LRRN3: variants seen among roughly 807,000 people sequenced by gnomAD.
LRRN3 encodes the protein leucine-rich repeat neuronal protein 3.
In LRRN3, 15 loss-of-function variants were observed where a neutral mutation model predicts 40.1. The observed-to-expected ratio is 0.37, with a 90% CI of 0.25 to 0.58. The LOEUF (loss-of-function observed/expected upper bound fraction) is 0.58. LRRN3 is among the 20% of genes least tolerant of loss of function. The probability of loss-of-function intolerance (pLI) is 0.72; values close to 1 mark genes in which losing one functional copy is unlikely to be tolerated. For synonymous variants in LRRN3, 308 were observed against 297.2 expected (o/e 1.04, Z -0.37); for missense variants, 746 against 837.7 (o/e 0.89, Z 1.35).
At chr7:111,100,499 A>G (rs2129579924) in intron 2 of LRRN3, among the ~76,000 whole-genome samples, 1 of 149,084 alleles carries the variant, frequency 6.7e-6, no homozygotes, top group African/African-American at 2.4e-5. Context: ...TAAGTGCATC[A>G]AACTTTACAG....
In LRRN3 at chr7:111,123,742, T is replaced by C. The variant is rs768339168; in HGVS notation, c.970T>C (p.Tyr324His). 1 of 1,613,982 alleles carries C rather than the reference T, an allele frequency of 6.2e-7. No individual in the cohort carries two copies. The highest frequency in any genetic ancestry group is 1.1e-5 in the South Asian group (1 of 91,080). Residue 324 changes from tyrosine (Y) to histidine (H), a missense_variant, in exon 3 of 3, where the codon TAC becomes CAC. Coordinates refer to ENST00000308478, the MANE Select transcript of LRRN3 (RefSeq NM_001099658.2). This position sits in a 1 kb window ranked among gnomAD's most constrained non-coding sequence, Gnocchi z 6.4. ...AGCTACTAACAACCCTAGATTGTCT[T>C]ACATTCACCCCAATGCATTTTTCAG... Reference protein sequence around the residue: ...IEATNNPRLSYIHPNAFFRLP... With the variant: ...IEATNNPRLSHIHPNAFFRLP...
chr7:111,104,184 TTTACTATTCGCATC>T (rs1464819102), intron 2 of LRRN3, among the ~76,000 whole-genome samples: 3 of 151,670 alleles, frequency 2.0e-5, no homozygotes, highest in Non-Finnish European at 4.4e-5. Flanking sequence ...CATACCTGCC[TTTACTATTCGCATC>T]TTGAGCCAAT....
At chr7:111,108,884 C>A (rs1798852665) in intron 2 of LRRN3, among the ~76,000 whole-genome samples, 1 of 152,106 alleles carries the variant, frequency 6.6e-6, no homozygotes, top group Non-Finnish European at 1.5e-5. Context: ...TTCATTCATT[C>A]ATTCAGTAGA....
intron 1 of LRRN3, among the ~76,000 whole-genome samples, chr7:111,098,120 T>C (rs1401987168): frequency 6.6e-6 from 1 of 151,900 alleles, no homozygotes; most frequent in African/African-American, 2.4e-5. Flanking sequence ...TTCACAGTCA[T>C]TCTTGAATGA....
chr7:111,093,641 T>G (rs533669550), intron 1 of LRRN3, among the ~76,000 whole-genome samples: 2 of 152,288 alleles, frequency 1.3e-5, no homozygotes, highest in South Asian at 4.1e-4. Flanking sequence ...ACATATTTTG[T>G]GGATTACAGA....
chr7:111,108,906 C>A (rs1300827012), intron 2 of LRRN3, among the ~76,000 whole-genome samples: 1 of 152,042 alleles, frequency 6.6e-6, no homozygotes, highest in Non-Finnish European at 1.5e-5. Flanking sequence ...ATTTATTGAA[C>A]AACAATAGCA....
intron 2 of LRRN3, among the ~76,000 whole-genome samples, chr7:111,109,770 C>T (rs559082809): frequency 7.9e-5 from 12 of 152,248 alleles, no homozygotes; most frequent in Admixed American, 5.2e-4. Context: ...ACTGTGACTA[C>T]TATCGCTGTT....
intron 2 of LRRN3, among the ~76,000 whole-genome samples, chr7:111,107,326 C>G (rs1798661318): frequency 6.6e-6 from 1 of 151,936 alleles, no homozygotes; most frequent in South Asian, 2.1e-4. Context: ...CAACGCCAGC[C>G]CTACAGCAGG....
At chr7:111,116,236 A>G (rs1799863196) in intron 2 of LRRN3, among the ~76,000 whole-genome samples, 2 of 152,164 alleles carry the variant, frequency 1.3e-5, no homozygotes, top group Admixed American at 1.3e-4. Flanking sequence ...TTTGTTTATG[A>G]TCTGCATTAA....
At chr7:111,114,344 CACATA>C (rs1799592926) in intron 2 of LRRN3, among the ~76,000 whole-genome samples, 1 of 152,070 alleles carries the variant, frequency 6.6e-6, no homozygotes, top group African/African-American at 2.4e-5. Flanking sequence ...GTTTGACAGA[CACATA>C]AAACGTGAAT....
At chr7:111,108,264 C>A (rs950235882) in intron 2 of LRRN3, among the ~76,000 whole-genome samples, 1 of 152,108 alleles carries the variant, frequency 6.6e-6, no homozygotes, top group African/African-American at 2.4e-5. Flanking sequence ...ACTTAACACT[C>A]AATTATATTA....
intron 2 of LRRN3, among the ~76,000 whole-genome samples, chr7:111,120,525 T>A (rs1055694257): frequency 6.6e-6 from 1 of 152,168 alleles, no homozygotes; most frequent in African/African-American, 2.4e-5. Context: ...CAATTCAAGA[T>A]GAGATTTGGG....
chr7:111,099,017 T>C (rs1279961663), intron 1 of LRRN3, among the ~76,000 whole-genome samples: 3 of 151,760 alleles, frequency 2.0e-5, no homozygotes, highest in African/African-American at 7.2e-5. Flanking sequence ...ATGCTTTAAT[T>C]ATTTATATCT....
intron 1 of LRRN3, among the ~76,000 whole-genome samples, chr7:111,095,216 T>G (rs1377883467): frequency 6.6e-6 from 1 of 152,026 alleles, no homozygotes; most frequent in Non-Finnish European, 1.5e-5. Flanking sequence ...TAGTCTAATA[T>G]GTTCATTTGA....
At chr7:111,120,490 C>G (rs1179939426) in intron 2 of LRRN3, among the ~76,000 whole-genome samples, 5 of 152,150 alleles carry the variant, frequency 3.3e-5, no homozygotes, top group African/African-American at 1.2e-4. Flanking sequence ...GTCCCTCCCA[C>G]AACACATGGG....
At chr7:111,093,306 T>C (rs1797059166) in intron 1 of LRRN3, among the ~76,000 whole-genome samples, 1 of 152,174 alleles carries the variant, frequency 6.6e-6, no homozygotes, top group Non-Finnish European at 1.5e-5. Context: ...AAATGATTTA[T>C]TACAAAAAGG....
chr7:111,124,578 C>A lies in LRRN3; in HGVS notation c.1806C>A (p.Asn602Lys). ...CIDIPTIYQK[N>K]RKKCVNVTTK... ...ATATTCCCACCATCTATCAGAAAAACAGAAAAAAATGTGTAAATGTCACCA... is the reference window on the plus strand; with the variant it reads ...ATATTCCCACCATCTATCAGAAAAAAAGAAAAAAATGTGTAAATGTCACCA... The change falls in exon 3 of 3, where the codon AAC becomes AAA. Residue 602 changes from asparagine to lysine, a missense_variant. Transcript: ENST00000308478. 6.2e-7 allele frequency: 1 copy of A among 1,613,672 alleles called. No homozygotes were observed. Among genetic ancestry groups the A allele is most frequent in the Non-Finnish European group, 8.5e-7 (1 of 1,179,896 alleles).
At chr7:111,121,571 C>G (rs2129588371) in intron 2 of LRRN3, among the ~76,000 whole-genome samples, 1 of 152,234 alleles carries the variant, frequency 6.6e-6, no homozygotes, top group East Asian at 1.9e-4. Context: ...ATTAAAAAGT[C>G]AGGAAACAAC....
intron 2 of LRRN3, among the ~76,000 whole-genome samples, chr7:111,117,565 T>C (rs943331024): frequency 2.0e-5 from 3 of 152,104 alleles, no homozygotes; most frequent in Non-Finnish European, 2.9e-5. Flanking sequence ...TAATTTGTTT[T>C]GAAAAACTGG....
Sources: allele counts gnomAD v4.1 joint callset (sites outside exome capture counted in the v4.1 genomes callset), GRCh38; gene constraint gnomAD v4.1.1; non-coding constraint Gnocchi (gnomAD v3.1); transcripts MANE v1.5; gene names NCBI Gene and HGNC (gene_info 2026-07-23, HGNC 2026-07-21).